MAPK14: variants seen among roughly 807,000 people sequenced by gnomAD.
The protein encoded by MAPK14 is CSAID-binding protein.
In MAPK14, 16 loss-of-function variants were observed where a neutral mutation model predicts 49.6. The ratio of observed to expected loss-of-function variants is 0.32; its 90% confidence interval spans 0.22 to 0.49. The LOEUF (loss-of-function observed/expected upper bound fraction) is 0.49, where lower values mean the gene tolerates loss of function less well. MAPK14 is among the 20% of genes least tolerant of loss of function. MAPK14 has a pLI of 0.99. For synonymous variants in MAPK14, 142 were observed against 158.0 expected (o/e 0.90, Z 0.76); for missense variants, 200 against 441.2 (o/e 0.45, Z 4.90).
At chr6:36,043,534 A>G (rs1453399039) in intron 1 of MAPK14, among the ~76,000 whole-genome samples, 1 of 152,236 alleles carries the variant, frequency 6.6e-6, no homozygotes, top group Non-Finnish European at 1.5e-5. Flanking sequence ...AAGAAAAGCT[A>G]GGCTTCTGTA....
intron 1 of MAPK14, among the ~76,000 whole-genome samples, chr6:36,047,460 G>A (rs1763223846): frequency 6.6e-6 from 1 of 152,244 alleles, no homozygotes; most frequent in South Asian, 2.1e-4. Flanking sequence ...CCTGGGCCTT[G>A]TAGGCCATCA....
intron 7 of MAPK14, 102 bp from the exon 8 acceptor site, chr6:36,076,435 A>T: frequency 1.2e-6 from 1 of 814,132 alleles, no homozygotes; most frequent in East Asian, 2.5e-5. Context: ...AGATGTCTTA[A>T]ATAGTAATTT....
chr6:36,088,112 A>C (rs896588057), intron 8 of MAPK14, among the ~76,000 whole-genome samples: 2 of 152,206 alleles, frequency 1.3e-5, no homozygotes, highest in Admixed American at 6.5e-5. Flanking sequence ...CTTACACCTT[A>C]TACAAAAATT....
chr6:36,116,445 A>G, the MAPK14 span, among the ~76,000 whole-genome samples: 74 of 152,266 alleles, frequency 4.9e-4, no homozygotes, highest in African/African-American at 1.7e-3. Context: ...TATGCAGAAA[A>G]GTATTTGTTT....
chr6:36,075,822 T>A, intron 6 of MAPK14, 26 bp from the exon 7 acceptor site: 1 of 1,613,602 alleles, frequency 6.2e-7, no homozygotes, highest in South Asian at 1.1e-5. Flanking sequence ...TCTTAGCAGT[T>A]TGTCTGTTCC....
chr6:36,055,560 C>T (rs1342574583), intron 2 of MAPK14, among the ~76,000 whole-genome samples: 2 of 151,946 alleles, frequency 1.3e-5, no homozygotes, highest in African/African-American at 2.4e-5. Flanking sequence ...TTTGAGGTGA[C>T]TGAAGTCATG....
chr6:36,082,611 C>A (rs1325770538), intron 8 of MAPK14, among the ~76,000 whole-genome samples: 1 of 152,116 alleles, frequency 6.6e-6, no homozygotes, highest in Non-Finnish European at 1.5e-5. Context: ...AGAGAGATGC[C>A]AGACTCTTTT....
chr6:36,087,065 T>C (rs1029809830), intron 8 of MAPK14, among the ~76,000 whole-genome samples: 4 of 152,234 alleles, frequency 2.6e-5, no homozygotes, highest in Non-Finnish European at 5.9e-5. Flanking sequence ...TCTCAATGGA[T>C]GCAGAAAAGG....
chr6:36,052,059 A>ATTATTTAGTAGTATTTAGTTTATTTAG (rs1763420655), intron 1 of MAPK14, among the ~76,000 whole-genome samples: 1 of 152,092 alleles, frequency 6.6e-6, no homozygotes, highest in African/African-American at 2.4e-5. Flanking sequence ...TTATTTAGTC[A>ATTATTTAGTAGTATTTAGTTTATTTAG]TAGTATTTTC....
At chr6:36,061,369 A>C (rs1763814853) in intron 3 of MAPK14, among the ~76,000 whole-genome samples, 5 of 152,224 alleles carry the variant, frequency 3.3e-5, no homozygotes, top group Admixed American at 3.3e-4. Context: ...TAGAAGGTTA[A>C]GTGTTACTGA....
intron 9 of MAPK14, chr6:36,097,016 T>G (rs1765468924): frequency 2.6e-5 from 4 of 152,242 alleles, no homozygotes; most frequent in African/African-American, 7.2e-5. Context: ...CATTTATGAC[T>G]GAAGGGGCCC....
intron 1 of MAPK14, 90 bp from the exon 2 acceptor site, chr6:36,052,609 C>T (rs930178135): frequency 1.2e-5 from 15 of 1,208,034 alleles, no homozygotes; most frequent in African/African-American, 9.4e-5. Context: ...TGTTATAGAC[C>T]CTTTAATTTG....
chr6:36,047,909 T>A (rs530740434), intron 1 of MAPK14, among the ~76,000 whole-genome samples: 152 of 152,058 alleles, frequency 1.0e-3, no homozygotes, highest in African/African-American at 3.2e-3. Context: ...CTAATTTTTT[T>A]AAATATATAT....
chr6:36,027,867 G>C lies in MAPK14; in HGVS notation c.-291G>C, dbSNP rs1762366398. The C allele has an allele frequency of 2.5e-6, 1 of 402,452 alleles. No individual in the cohort carries two copies. The highest frequency in any genetic ancestry group is 4.4e-5 in the Admixed American group (1 of 22,746). The allele number at this position is 402,452 out of a possible 1,614,324, so 24.9% of individuals were successfully genotyped here. On this transcript the variant is annotated 5_prime_UTR_variant, in exon 1 of 12. Coordinates refer to ENST00000229794, the MANE Select transcript of MAPK14 (RefSeq NM_139012.3). ...GAGTACTGCGACGCAGCCCGGAGTC[G>C]GCCTTGTAGGGGCGAAGGTGCAGGG...
intron 3 of MAPK14, among the ~76,000 whole-genome samples, chr6:36,063,438 A>T (rs1452930548): frequency 6.6e-6 from 1 of 152,130 alleles, no homozygotes; most frequent in Non-Finnish European, 1.5e-5. Flanking sequence ...AAAATTTAAA[A>T]AATTAGCCGA....
intron 9 of MAPK14, among the ~76,000 whole-genome samples, chr6:36,101,791 C>T (rs913173294): frequency 1.2e-4 from 18 of 152,260 alleles, no homozygotes; most frequent in African/African-American, 3.4e-4. Flanking sequence ...GGATTACAGG[C>T]GTGAGTCACC....
intron 1 of MAPK14, among the ~76,000 whole-genome samples, chr6:36,051,647 G>A (rs541422707): frequency 6.6e-6 from 1 of 152,236 alleles, no homozygotes; most frequent in African/African-American, 2.4e-5. Context: ...GAGTCAAGTG[G>A]TCAGTAGCAT....
At chr6:36,073,621 T>C in intron 4 of MAPK14, 70 bp from the exon 5 acceptor site, 2 of 1,232,012 alleles carry the variant, frequency 1.6e-6, no homozygotes, top group Non-Finnish European at 1.2e-6. Context: ...CATGAAAATG[T>C]GCAGCAAATA....
chr6:36,064,094 T>TGTG, intron 3 of MAPK14, among the ~76,000 whole-genome samples: 1 of 118,960 alleles, frequency 8.4e-6, no homozygotes, highest in African/African-American at 3.3e-5. Context: ...GTGTGTGTGT[T>TGTG]TGTTTTCTTT....
Sources: gnomAD v4.1 joint callset for allele counts (sites outside exome capture counted in the v4.1 genomes callset) on GRCh38, gnomAD v4.1.1 for gene constraint, MANE v1.5 for transcripts, NCBI Gene and HGNC (gene_info 2026-07-23, HGNC 2026-07-21) for gene names.